The following GIPC3 variants were observed in gnomAD, a reference collection of about 807,000 sequenced individuals.
GIPC3 encodes the protein PDZ domain-containing protein GIPC3.
A neutral mutation model predicts 27.3 loss-of-function variants in GIPC3; 16 were observed. That is an observed-to-expected ratio of 0.59 (90% CI 0.40 to 0.89). The LOEUF is 0.89. Among genes scored for constraint, GIPC3 ranks in the 40% least tolerant of loss-of-function variants. The pLI is 0.00. For synonymous variants in GIPC3, 194 were observed against 184.6 expected, an observed-to-expected ratio of 1.05 and a Z score of -0.41; for missense variants, 440 against 442.1, an observed-to-expected ratio of 1.00 and a Z score of 0.04.
In GIPC3 at chr19:3,586,627, G is replaced by A. The variant is rs2032371091; in HGVS notation, c.358G>A (p.Asp120Asn). The change falls in exon 2 of 6, where the codon GAT becomes AAT. Residue 120 changes from aspartate to asparagine, a missense_variant. Coordinates refer to ENST00000644452, the MANE Select transcript of GIPC3 (RefSeq NM_133261.3). ...GGAGGTGGAGGTCACTAAGACAGAG[G>A]ATGCTCTGGGGCTGACCATCACGGA... ...TKEVEVTKTE[D>N]ALGLTITDNG... is the part of the protein sequence containing the mutation. 1.3e-6 allele frequency: 2 copies of A among 1,589,202 alleles called. No individual in the cohort carries two copies. Among genetic ancestry groups the A allele is most frequent in the Non-Finnish European group, 1.7e-6 (2 of 1,164,628 alleles).
At position 3,590,243 on chromosome 19, in the gene GIPC3, C is replaced by A. The variant is rs2032462811; in HGVS notation, c.*53C>A. On this transcript the variant is annotated 3_prime_UTR_variant, in exon 6 of 6. Transcript: ENST00000644452. ...CCAGCCCGGAGCCCAGCCCCCTGCC[C>A]CGGCCCTGCTCCAGAACCCAGCCCA... 6.4e-5 allele frequency: 99 copies of A among 1,544,756 alleles called. 1 individual carries two copies. The South Asian group carries it at 1.2e-3, about 18-fold the overall frequency.
rs769804873 is a variant in GIPC3 at position 3,585,767 on chromosome 19, A to T, written c.170A>T (p.Asn57Ile). The T allele has an allele frequency of 1.9e-6, 3 of 1,547,220 alleles. No individual in the cohort carries two copies. The highest frequency in any genetic ancestry group is 2.6e-6 in the Non-Finnish European group (3 of 1,146,002). Residue 57 changes from asparagine to isoleucine, a missense_variant, in exon 1 of 6, where the codon AAC (asparagine) becomes ATC (isoleucine). Asn to Ile is a moderately radical substitution (Grantham distance 149, BLOSUM62 -3). Coordinates refer to ENST00000644452, the MANE Select transcript of GIPC3 (RefSeq NM_133261.3). Reference protein sequence around the residue: ...SPTGKIEGFTNVRELYAKIAE... With the variant: ...SPTGKIEGFTIVRELYAKIAE... ...ACGGGCAAGATCGAGGGCTTCACCA[A>T]CGTCCGCGAGCTGTACGCCAAGATC...
chr19:3,588,649 A>C (rs1042197434), intron 3 of GIPC3, among the ~76,000 whole-genome samples: 3 of 151,532 alleles, frequency 2.0e-5, no homozygotes, highest in Non-Finnish European at 2.9e-5. Flanking sequence ...TCAAAAAAAA[A>C]AAAAAAAAAA....
Position 3,593,147 on chromosome 19 carries a change from AC to A in GIPC3, c.*2960del, listed in dbSNP as rs34542565. The A allele has an allele frequency of 3.3e-3, 4,096 of 1,232,204 alleles. 117 individuals carry two copies. In the African/African-American group the frequency reaches 0.057, roughly 17 times the overall value. 76.3% of individuals were successfully genotyped at this position (1,232,204 alleles called of 1,614,324 possible). On this transcript the variant is annotated 3_prime_UTR_variant, in exon 6 of 6. Coordinates refer to ENST00000644452, the MANE Select transcript of GIPC3 (RefSeq NM_133261.3). The stretch of plus-strand genomic sequence containing the variant: ...GGGTGGGACCCCAGAAGTCCACCCC[AC>A]CCACCATATCTGTCACTCCTAGTCC...
rs2032500363 is a variant in GIPC3, at chr19:3,592,289, T to C, written c.*2099T>C. 2 of 1,231,930 alleles carry C rather than the reference T, an allele frequency of 1.6e-6. No individual in the cohort carries two copies. Among genetic ancestry groups the C allele is most frequent in the South Asian group, 8.2e-5 (2 of 24,318 alleles). 76.3% of individuals were successfully genotyped at this position (1,231,930 alleles called of 1,614,324 possible). ...TCCAGACCACAGCCCCAGACAGCTC[T>C]GGTATTCAACTGGACTTTGGGAAGC... On this transcript the variant is annotated 3_prime_UTR_variant, in exon 6 of 6. Transcript: ENST00000644452.
At position 3,585,638 on chromosome 19, in the gene GIPC3, C is replaced by G. The variant is rs1172474917; in HGVS notation, c.41C>G (p.Thr14Ser). 8.4e-7 allele frequency: 1 copy of G among 1,191,662 alleles called. No homozygotes were observed. The highest frequency in any genetic ancestry group is 1.0e-6 in the Non-Finnish European group (1 of 964,798). 73.8% of individuals were successfully genotyped at this position (1,191,662 alleles called of 1,614,324 possible). ...AAAREARGTE[T>S]PRASAPPPAP... Reference sequence around the variant, plus strand: ...GCCCGGGAGGCCCGGGGGACCGAGACCCCGCGCGCGTCTGCGCCCCCGCCC... The same window carrying G: ...GCCCGGGAGGCCCGGGGGACCGAGAGCCCGCGCGCGTCTGCGCCCCCGCCC... Residue 14 changes from threonine (T) to serine (S), a missense_variant, in exon 1 of 6, where the codon ACC becomes AGC. Transcript: ENST00000644452.
At chr19:3,589,330 G>A (rs1399676626) in intron 3 of GIPC3, 113 bp from the exon 4 acceptor site, 1 of 779,404 alleles carries the variant, frequency 1.3e-6, no homozygotes, top group Non-Finnish European at 2.3e-6. Context: ...GATGTAAGGA[G>A]GACTTTGAAG....
Position 3,585,611 on chromosome 19 carries a change from C to A in GIPC3, c.14C>A (p.Ala5Glu), listed in dbSNP as rs1041727296. 36 of 1,158,576 alleles carry A rather than the reference C, an allele frequency of 3.1e-5. No homozygotes were observed. Among genetic ancestry groups the A allele is most frequent in the Non-Finnish European group, 3.7e-5 (35 of 942,844 alleles). The allele number at this position is 1,158,576 out of a possible 1,614,324, so 71.8% of individuals were successfully genotyped here. The change falls in exon 1 of 6, where the codon GCG becomes GAG. Residue 5 changes from alanine to glutamate, a missense_variant. Physicochemically the swap from Ala to Glu is moderately radical, Grantham distance 107. Coordinates refer to ENST00000644452, the MANE Select transcript of GIPC3 (RefSeq NM_133261.3). MEGAAAREARGTETP... is the reference protein window; with the variant it reads MEGAEAREARGTETP... ...ACTTCTCCCGCCATGGAGGGAGCAG[C>A]GGCCCGGGAGGCCCGGGGGACCGAG... is the stretch of plus-strand genomic sequence containing the variant.
Position 3,589,551 on chromosome 19 carries a change from A to C in GIPC3, c.701A>C (p.Glu234Ala), listed in dbSNP as rs781013259. ...TCTGGGGGGGCTGCCACAGTGGAGG[A>C]AGCGGTGAGTGAAGGGGAGGGGCTC... ...LRSGGAATVE[E>A]APSEFEEEAS... is the part of the protein sequence containing the mutation. Residue 234 changes from glutamate (E) to alanine (A), a missense_variant, in exon 4 of 6, where the codon GAA becomes GCA. By Grantham distance (107) the Glu-to-Ala change is moderately radical (BLOSUM62 -1). Transcript: ENST00000644452. 56 of 1,612,372 alleles carry C rather than the reference A, an allele frequency of 3.5e-5. No homozygotes were observed. The Admixed American group carries it at 8.7e-4, about 25-fold the overall frequency.
chr19:3,587,196 G>A (rs747941431), intron 3 of GIPC3, among the ~76,000 whole-genome samples: 8 of 152,134 alleles, frequency 5.3e-5, no homozygotes, highest in South Asian at 2.1e-4. Flanking sequence ...GGAGGGGTGG[G>A]GGAGAGACTG....
At chr19:3,589,269 G>A (rs995606359) in intron 3 of GIPC3, among the ~76,000 whole-genome samples, 174 bp from the exon 4 acceptor site, 3 of 152,148 alleles carry the variant, frequency 2.0e-5, no homozygotes, top group Non-Finnish European at 4.4e-5. Flanking sequence ...TTAGTTTGCT[G>A]GGGATGCGAA....
chr19:3,589,674 G>T, intron 4 of GIPC3, 119 bp downstream of exon 4: 1 of 1,116,344 alleles, frequency 9.0e-7, no homozygotes, highest in Admixed American at 1.9e-5. Context: ...TGCAAAATGG[G>T]TCCTCATTGA....
Position 3,590,242 on chromosome 19 carries a change from C to A in GIPC3, c.*52C>A, listed in dbSNP as rs1171935831. On this transcript the variant is annotated 3_prime_UTR_variant, in exon 6 of 6. Coordinates refer to ENST00000644452, the MANE Select transcript of GIPC3 (RefSeq NM_133261.3). ...CCCAGCCCGGAGCCCAGCCCCCTGC[C>A]CCGGCCCTGCTCCAGAACCCAGCCC... 3.9e-6 allele frequency: 6 copies of A among 1,544,944 alleles called. No individual in the cohort carries two copies. The highest frequency in any genetic ancestry group is 5.2e-6 in the Non-Finnish European group (6 of 1,144,042).
At position 3,589,531 on chromosome 19, in the gene GIPC3, G is replaced by A. The variant is rs371512205; in HGVS notation, c.681G>A (p.Gly227=). Residue 227 remains glycine, a synonymous_variant, in exon 4 of 6, where the codon GGG becomes GGA. Coordinates refer to ENST00000644452, the MANE Select transcript of GIPC3 (RefSeq NM_133261.3). ...SGRETLRLRS[G]GAATVEEAPS... ...GGGAGACCCTGCGGCTTCGTTCTGG[G>A]GGGGCTGCCACAGTGGAGGAAGCGG... 1 of 1,614,018 alleles carries A rather than the reference G, an allele frequency of 6.2e-7. No individual in the cohort carries two copies. Among genetic ancestry groups the A allele is most frequent in the East Asian group, 2.2e-5 (1 of 44,880 alleles).
At chr19:3,588,769 C>A (rs556785003) in intron 3 of GIPC3, among the ~76,000 whole-genome samples, 1 of 151,770 alleles carries the variant, frequency 6.6e-6, no homozygotes, top group African/African-American at 2.4e-5. Flanking sequence ...ATGGTGAAAC[C>A]CTGTCTCTAC....
chr19:3,588,749 C>T (rs1223801585), intron 3 of GIPC3, among the ~76,000 whole-genome samples: 1 of 151,774 alleles, frequency 6.6e-6, no homozygotes, highest in Non-Finnish European at 1.5e-5. Flanking sequence ...TCGAGACCAG[C>T]CTGGCCAATA....
chr19:3,586,490 G>A lies in GIPC3; in HGVS notation c.226-5G>A. The A allele has an allele frequency of 3.1e-6, 5 of 1,613,216 alleles. No homozygotes were observed. The highest frequency in any genetic ancestry group is 4.2e-6 in the Non-Finnish European group (5 of 1,179,884). On this transcript the variant is annotated splice_region_variant and splice_polypyrimidine_tract_variant and intron_variant, in intron 1 of 5. Transcript: ENST00000644452. ...CTAACTCTAGGCTCCTTCTCCCCCG[G>A]GAAGATTTTATTCTGCACCCTCAAC...
chr19:3,585,584 GAA>G lies in GIPC3; in HGVS notation c.-13_-12del, dbSNP rs2032346938. ...GCGGCGAGGGCCCGGGTGGGTGGCC[GAA>G]CTTCTCCCGCCATGGAGGGAGCAGC... On this transcript the variant is annotated 5_prime_UTR_variant, in exon 1 of 6. Transcript: ENST00000644452. 1.7e-5 allele frequency: 19 copies of G among 1,148,106 alleles called. No individual in the cohort carries two copies. The highest frequency in any genetic ancestry group is 1.8e-5 in the Non-Finnish European group (17 of 934,818). 71.1% of individuals were successfully genotyped at this position (1,148,106 alleles called of 1,614,324 possible).
Position 3,590,920 on chromosome 19 carries a change from C to T in GIPC3, c.*730C>T. ...ATGAGCTCTGAGACCATGCCCAGCTCTAGAACTCAGATGAGCTCTGAGACA... is the reference window on the plus strand; with the variant it reads ...ATGAGCTCTGAGACCATGCCCAGCTTTAGAACTCAGATGAGCTCTGAGACA... On this transcript the variant is annotated 3_prime_UTR_variant, in exon 6 of 6. Coordinates refer to ENST00000644452, the MANE Select transcript of GIPC3 (RefSeq NM_133261.3). 8.1e-7 allele frequency: 1 copy of T among 1,234,602 alleles called. No homozygotes were observed. 76.5% of individuals were successfully genotyped at this position (1,234,602 alleles called of 1,614,324 possible). A position where few individuals can be genotyped will look rare whatever the true frequency, so the allele number is the denominator to read the frequency against.
Sources: allele counts gnomAD v4.1 joint callset (sites outside exome capture counted in the v4.1 genomes callset), GRCh38; gene constraint gnomAD v4.1.1; transcripts MANE v1.5; gene names NCBI Gene and HGNC (gene_info 2026-07-23, HGNC 2026-07-21).